DIP2C: variants seen among roughly 807,000 people sequenced by gnomAD.
DIP2C encodes the protein DIP2 acetate--CoA ligase C (putative).
DIP2C carries 33 observed loss-of-function variants against 192.4 expected under a neutral mutation model. The observed-to-expected ratio is 0.17, with a 90% CI of 0.13 to 0.23. DIP2C has a LOEUF of 0.23. Among genes scored for constraint, DIP2C ranks in the 10% least tolerant of loss-of-function variants. The probability of loss-of-function intolerance (pLI) is 1.00; values close to 1 mark genes in which losing one functional copy is unlikely to be tolerated. For synonymous variants in DIP2C, 979 were observed against 864.1 expected (o/e 1.13, Z -2.33); for missense variants, 1,537 against 2,110.1 (o/e 0.73, Z 5.32).
chr10:686,767 G>A (rs986235992), intron 1 of DIP2C, among the ~76,000 whole-genome samples: 8 of 152,236 alleles, frequency 5.3e-5, no homozygotes, highest in African/African-American at 1.4e-4. Flanking sequence ...CCTCGGCCCC[G>A]CAGCAGGAAG....
intron 1 of DIP2C, among the ~76,000 whole-genome samples, chr10:591,881 C>T (rs1036538866): frequency 3.9e-5 from 6 of 152,322 alleles, no homozygotes; most frequent in South Asian, 2.1e-4. Context: ...AAGACAGCGG[C>T]GGCCTGAATG....
chr10:436,819 G>T (rs934569989), intron 4 of DIP2C, among the ~76,000 whole-genome samples: 1 of 140,520 alleles, frequency 7.1e-6, no homozygotes, highest in African/African-American at 2.8e-5. Flanking sequence ...ATGGTAGGGT[G>T]ATATGCTCCA....
intron 3 of DIP2C, among the ~76,000 whole-genome samples, chr10:453,518 G>T (rs1042579297): frequency 6.6e-6 from 1 of 152,242 alleles, no homozygotes; most frequent in Non-Finnish European, 1.5e-5. Flanking sequence ...GGCAGTGATT[G>T]TCTAGTATTT....
At chr10:485,029 A>C in intron 2 of DIP2C, 1 of 1,469,868 alleles carries the variant, frequency 6.8e-7, no homozygotes, top group Non-Finnish European at 9.1e-7. Context: ...AGAGCTGCCG[A>C]CCCCATGCAG....
intron 1 of DIP2C, among the ~76,000 whole-genome samples, chr10:515,664 C>T (rs1168679761): frequency 1.3e-5 from 2 of 152,076 alleles, no homozygotes; most frequent in South Asian, 2.1e-4. Context: ...GCAGAGGTTG[C>T]GGTGAGCCAA....
intron 1 of DIP2C, chr10:650,867 C>T: frequency 1.4e-6 from 1 of 717,332 alleles, no homozygotes; most frequent in South Asian, 1.5e-5. Flanking sequence ...CGTGGCATAA[C>T]ACAAACTCCC....
At chr10:285,620 G>A (rs1373844465) in intron 34 of DIP2C, among the ~76,000 whole-genome samples, 1 of 152,220 alleles carries the variant, frequency 6.6e-6, no homozygotes, top group African/African-American at 2.4e-5. Flanking sequence ...TGAGACAAGT[G>A]GCCTCTCGGA....
chr10:599,708 C>T (rs1246243913), intron 1 of DIP2C, among the ~76,000 whole-genome samples: 3 of 152,176 alleles, frequency 2.0e-5, no homozygotes, highest in Admixed American at 2.0e-4. Context: ...GCATTCGGAG[C>T]AAGTACTCAA....
Position 626,523 on chromosome 10 carries a change from T to G in DIP2C, c.85+62971A>C, listed in dbSNP as rs536025726. On this transcript the variant is annotated intron_variant, in intron 1 of 36. Transcript: ENST00000280886. The stretch of plus-strand genomic sequence containing the variant: ...CCATCCCTGGTGTTGGTCACCATCC[T>G]CCTCACCTCCAGGCCCCTCTCCTTG... 2.2e-3 allele frequency among the ~76,000 whole-genome samples: 318 copies of G among 145,612 alleles called. 1 individual carries two copies. Among genetic ancestry groups the G allele is most frequent in the Middle Eastern group, 7.0e-3 (2 of 286 alleles).
chr10:629,713 C>A (rs1255577953), intron 1 of DIP2C: 1 of 152,474 alleles, frequency 6.6e-6, no homozygotes, highest in Non-Finnish European at 1.5e-5. Flanking sequence ...AGGGTGGAGA[C>A]CGCAGCCTTG....
rs796566914 is a variant in DIP2C, at chr10:417,956, AC to A, written c.739+1108del. 2.8e-3 allele frequency among the ~76,000 whole-genome samples: 215 copies of A among 76,544 alleles called. 37 individuals are homozygous for A. The highest frequency in any genetic ancestry group is 0.01 in the African/African-American group (158 of 15,438). The allele number at this position is 76,544 out of a possible 152,430, so 50.2% of individuals were successfully genotyped here. On this transcript the variant is annotated intron_variant, in intron 6 of 36. Coordinates refer to ENST00000280886, the MANE Select transcript of DIP2C (RefSeq NM_014974.3). ...AGGGCTTCGATAGGCCTCCCTGTCC[AC>A]CTGCACCTGTCAGGGCTCGGATAGG...
In DIP2C at chr10:390,860, C is replaced by T. The variant is rs571876332; in HGVS notation, c.1264G>A (p.Ala422Thr). ...AAGAAACCTATCTGCTGGCTCCCTGCGTCCTGAGAGGGCAACAGAGAGGAG... is the reference window on the plus strand; with the variant it reads ...AAGAAACCTATCTGCTGGCTCCCTGTGTCCTGAGAGGGCAACAGAGAGGAG... ...PIEVPLTRKD[A>T]GSQQIGFLLG... The change falls in exon 11 of 37, where the codon GCA (alanine) becomes ACA (threonine). Residue 422 changes from alanine (A) to threonine (T), a missense_variant. Transcript: ENST00000280886. 14 of 1,613,718 alleles carry T rather than the reference C, an allele frequency of 8.7e-6. No homozygotes were observed. The highest frequency in any genetic ancestry group is 8.3e-5 in the Admixed American group (5 of 59,966).
intron 36 of DIP2C, among the ~76,000 whole-genome samples, chr10:278,142 C>T (rs1180910720): frequency 7.0e-6 from 1 of 143,742 alleles, no homozygotes; most frequent in Non-Finnish European, 1.5e-5. Context: ...CCTGTCTGTG[C>T]GCCCGAGTCC....
intron 1 of DIP2C, among the ~76,000 whole-genome samples, chr10:544,469 T>C (rs551704524): frequency 6.6e-6 from 1 of 152,350 alleles, no homozygotes; most frequent in East Asian, 1.9e-4. Context: ...AATTGCTGGG[T>C]CGTACAGTGA....
intron 24 of DIP2C, among the ~76,000 whole-genome samples, chr10:354,599 C>T (rs950426393): frequency 6.6e-6 from 1 of 152,132 alleles, no homozygotes; most frequent in Non-Finnish European, 1.5e-5. Flanking sequence ...CTTGTGCAAC[C>T]CCCACACATG....
At chr10:367,056 A>G (rs1589622209) in intron 18 of DIP2C, among the ~76,000 whole-genome samples, 1 of 152,216 alleles carries the variant, frequency 6.6e-6, no homozygotes, top group Admixed American at 6.5e-5. Flanking sequence ...AAAGAGCCTA[A>G]AACAGCCGGC....
At chr10:451,134 G>A (rs1446233986) in intron 3 of DIP2C, among the ~76,000 whole-genome samples, 3 of 152,148 alleles carry the variant, frequency 2.0e-5, no homozygotes, top group South Asian at 4.1e-4. Context: ...TCCCAGCCCT[G>A]TTCCTTCTAC....
intron 32 of DIP2C, among the ~76,000 whole-genome samples, chr10:299,156 C>T (rs866301634): frequency 6.6e-6 from 1 of 152,198 alleles, no homozygotes; most frequent in African/African-American, 2.4e-5. Flanking sequence ...TGTGCACACA[C>T]AGTTTTTTCT....
intron 32 of DIP2C, among the ~76,000 whole-genome samples, chr10:301,292 T>C (rs560406061): frequency 1.3e-5 from 2 of 152,276 alleles, no homozygotes; most frequent in East Asian, 1.9e-4. Context: ...TATCACGTCA[T>C]GTTTACATGC....
Sources: allele counts gnomAD v4.1 joint callset (sites outside exome capture counted in the v4.1 genomes callset), GRCh38; gene constraint gnomAD v4.1.1; transcripts MANE v1.5; gene names NCBI Gene and HGNC (gene_info 2026-07-23, HGNC 2026-07-21).